Variants in MRTFA observed in about 807,000 individuals in gnomAD.
MRTFA encodes the protein myocardin related transcription factor A, also known as myocardin-related transcription factor A.
In MRTFA, 20 loss-of-function variants were observed where a neutral mutation model predicts 83.5. The observed-to-expected ratio is 0.24, with a 90% CI of 0.17 to 0.35. The LOEUF (loss-of-function observed/expected upper bound fraction) is 0.35. Ranked by LOEUF, MRTFA falls within the 10% of genes least tolerant of loss-of-function variation. The pLI is 1.00. For missense variants in MRTFA, 1,200 were observed against 1,224.7 expected, an observed-to-expected ratio of 0.98 and a Z score of 0.30; for synonymous variants, 659 against 541.2, an observed-to-expected ratio of 1.22 and a Z score of -3.02.
rs545346567 is a variant in MRTFA at position 40,615,182 on chromosome 22, G to A, written c.-83-20447C>T. Reference sequence around the variant, plus strand: ...TAATTTTTATGTATCATATGAGACTGGGATTGAGGTTCATTTCTTTACATA... The same window carrying A: ...TAATTTTTATGTATCATATGAGACTAGGATTGAGGTTCATTTCTTTACATA... On this transcript the variant is annotated intron_variant, in intron 1 of 14. Coordinates refer to ENST00000355630, the MANE Select transcript of MRTFA (RefSeq NM_020831.6). Among the ~76,000 whole-genome samples the A allele has an allele frequency of 2.0e-4, 31 of 152,300 alleles. No individual in the cohort carries two copies. In the South Asian group the frequency reaches 6.2e-3, roughly 31 times the overall value.
Position 40,412,492 on chromosome 22 carries a change from A to AAGAATTGG in MRTFA, c.2579-593_2579-586dup, listed in dbSNP as rs1448536454. On this transcript the variant is annotated intron_variant, in intron 14 of 14. Transcript: ENST00000355630. ...ATTCCACTGCTGGGCATATACCCAAAAGAATTGGAAGCAGGGTCTCAGGTA... is the reference window on the plus strand; with the variant it reads ...ATTCCACTGCTGGGCATATACCCAAAAGAATTGGAGAATTGGAAGCAGGGTCTCAGGTA... 3.9e-5 allele frequency: 6 copies of AAGAATTGG among 152,222 alleles called. No homozygotes were observed. In the East Asian group the frequency reaches 1.2e-3, roughly 29 times the overall value. 9.4% of individuals were successfully genotyped at this position (152,222 alleles called of 1,614,324 possible).
At chr22:40,628,350 T>C (rs550428394) in intron 1 of MRTFA, among the ~76,000 whole-genome samples, 2 of 152,326 alleles carry the variant, frequency 1.3e-5, no homozygotes, top group Admixed American at 1.3e-4. Flanking sequence ...TGTCATATTA[T>C]GAAGTTCAGA....
chr22:40,496,339 C>G (rs2054355041), intron 3 of MRTFA, among the ~76,000 whole-genome samples: 1 of 147,840 alleles, frequency 6.8e-6, no homozygotes, highest in Admixed American at 6.7e-5. Flanking sequence ...TTATGTAACA[C>G]ATACATATAC....
At chr22:40,568,975 G>T (rs1268828015) in intron 2 of MRTFA, among the ~76,000 whole-genome samples, 1 of 152,162 alleles carries the variant, frequency 6.6e-6, no homozygotes, top group Non-Finnish European at 1.5e-5. Flanking sequence ...GAATACTAGT[G>T]ATCCATATTA....
At chr22:40,630,623 T>G (rs929151985) in intron 1 of MRTFA, among the ~76,000 whole-genome samples, 7 of 152,242 alleles carry the variant, frequency 4.6e-5, no homozygotes, top group Admixed American at 6.5e-5. Flanking sequence ...TTATCTAAAC[T>G]GATGCAGTTT....
chr22:40,504,319 T>C (rs1331879220), intron 3 of MRTFA, among the ~76,000 whole-genome samples: 1 of 152,184 alleles, frequency 6.6e-6, no homozygotes. Flanking sequence ...TTCAAGGCTG[T>C]ACTAAGCTAT....
chr22:40,479,816 G>C (rs1191802646), intron 3 of MRTFA, among the ~76,000 whole-genome samples: 5 of 152,006 alleles, frequency 3.3e-5, no homozygotes, highest in African/African-American at 9.7e-5. Context: ...TTTCTGATAA[G>C]GAATACTCTT....
intron 3 of MRTFA, among the ~76,000 whole-genome samples, chr22:40,480,270 G>A (rs1391342918): frequency 6.6e-6 from 1 of 151,078 alleles, no homozygotes; most frequent in African/African-American, 2.5e-5. Context: ...TTCTCTGTAT[G>A]TTTATTTTTT....
intron 11 of MRTFA, among the ~76,000 whole-genome samples, chr22:40,420,062 C>T (rs1430182341): frequency 2.0e-5 from 3 of 152,350 alleles, no homozygotes; most frequent in African/African-American, 7.2e-5. Context: ...TCAGCCTGAC[C>T]ATCCTCAAAG....
Position 40,411,297 on chromosome 22 carries a change from C to T in MRTFA, c.*93G>A. ...CAGGGGCTGTGATTGTCAAGACTCA[C>T]AACCATGTGGAGAGGCCGAATCACG... is the stretch of plus-strand genomic sequence containing the variant. On this transcript the variant is annotated 3_prime_UTR_variant, in exon 15 of 15. Transcript: ENST00000355630. 3 of 1,354,684 alleles carry T rather than the reference C, an allele frequency of 2.2e-6. No homozygotes were observed. The highest frequency in any genetic ancestry group is 2.4e-5 in the Admixed American group (1 of 42,358). 83.9% of individuals were successfully genotyped at this position (1,354,684 alleles called of 1,614,324 possible). A position where few individuals can be genotyped will look rare whatever the true frequency, so the allele number is the denominator to read the frequency against.
chr22:40,411,935 A>T, intron 14 of MRTFA, 28 bp from the exon 15 acceptor site: 1 of 1,454,998 alleles, frequency 6.9e-7, no homozygotes, highest in Non-Finnish European at 9.1e-7. Flanking sequence ...GAGTAAATGG[A>T]TATCAGAAGC....
rs559808605 is a variant in MRTFA, at chr22:40,417,194, C to G, written c.2517+147G>C. ...GCGTGCCCGGACTCCTGGAGCCCGT[C>G]CCCTAACAACCCACTCCCCAAGGCC... On this transcript the variant is annotated intron_variant, in intron 13 of 14. Transcript: ENST00000355630. 3.7e-6 allele frequency: 5 copies of G among 1,354,292 alleles called. No homozygotes were observed. The African/African-American group carries it at 5.8e-5, about 16-fold the overall frequency. 83.9% of individuals were successfully genotyped at this position (1,354,292 alleles called of 1,614,324 possible). A position where few individuals can be genotyped will look rare whatever the true frequency, so the allele number is the denominator to read the frequency against.
intron 1 of MRTFA, among the ~76,000 whole-genome samples, chr22:40,611,359 T>C (rs376181765): frequency 3.9e-5 from 6 of 152,016 alleles, no homozygotes; most frequent in Non-Finnish European, 8.8e-5. Flanking sequence ...GCTTCAGCCT[T>C]CCAAGTAGCT....
At chr22:40,488,697 G>A (rs535895711) in intron 3 of MRTFA, among the ~76,000 whole-genome samples, 1 of 152,104 alleles carries the variant, frequency 6.6e-6, no homozygotes. Flanking sequence ...GCCAGGCATG[G>A]TGGCGGGCGC....
At chr22:40,527,790 A>G (rs1191322244) in intron 3 of MRTFA, among the ~76,000 whole-genome samples, 2 of 151,640 alleles carry the variant, frequency 1.3e-5, no homozygotes, top group Non-Finnish European at 2.9e-5. Context: ...TGTGGTAATC[A>G]TAAAAGTGAA....
At chr22:40,480,680 C>T (rs567778955) in intron 3 of MRTFA, among the ~76,000 whole-genome samples, 49 of 151,466 alleles carry the variant, frequency 3.2e-4, no homozygotes, top group Non-Finnish European at 4.7e-4. Context: ...CATGATGGTT[C>T]GCACCTGTAA....
chr22:40,489,145 C>T (rs1005402162), intron 3 of MRTFA, among the ~76,000 whole-genome samples: 2 of 151,904 alleles, frequency 1.3e-5, no homozygotes, highest in Non-Finnish European at 2.9e-5. Flanking sequence ...AAACACAAGA[C>T]ACAATCATTT....
At chr22:40,461,602 G>A (rs575111909) in intron 4 of MRTFA, among the ~76,000 whole-genome samples, 9 of 148,124 alleles carry the variant, frequency 6.1e-5, no homozygotes, top group Admixed American at 4.1e-4. Flanking sequence ...GGCTCATACG[G>A]TGAAACCCCG....
chr22:40,444,176 CA>C (rs1326179711), intron 4 of MRTFA, among the ~76,000 whole-genome samples: 3 of 152,090 alleles, frequency 2.0e-5, no homozygotes, highest in African/African-American at 7.2e-5. Context: ...ATATTACAAA[CA>C]TATTACAGCA....
Sources: allele counts gnomAD v4.1 joint callset (sites outside exome capture counted in the v4.1 genomes callset), GRCh38; gene constraint gnomAD v4.1.1; transcripts MANE v1.5; gene names NCBI Gene and HGNC (gene_info 2026-07-23, HGNC 2026-07-21).